STYK1: variants seen among roughly 807,000 people sequenced by gnomAD.
The protein encoded by STYK1 is STY kinase 1, also known as tyrosine-protein kinase STYK1.
Under a neutral mutation model 48.1 loss-of-function variants are expected in STYK1, and 46 were observed. That is an observed-to-expected ratio of 0.96 (90% CI 0.75 to 1.22). The LOEUF (loss-of-function observed/expected upper bound fraction) is 1.22. STYK1 is among the 50% of genes most tolerant of loss of function. The pLI, the probability that STYK1 is intolerant of heterozygous loss-of-function variation, is 0.00. For missense variants in STYK1, 527 were observed against 521.1 expected, an observed-to-expected ratio of 1.01 and a Z score of -0.11; for synonymous variants, 188 against 189.0, an observed-to-expected ratio of 0.99 and a Z score of 0.04.
chr12:10,637,503 G>A lies in STYK1; in HGVS notation c.-194-307C>T, dbSNP rs189735865. ...CAGGCACCCACCACCACGCACGCCC[G>A]GCTAATTTTCTGTATTTTTAGTAGA... On this transcript the variant is annotated intron_variant, in intron 1 of 10. Transcript: ENST00000075503. Among the ~76,000 whole-genome samples the A allele has an allele frequency of 7.3e-3, 1,110 of 151,928 alleles. 10 individuals carry two copies. The highest frequency in any genetic ancestry group is 0.025 in the African/African-American group (1,027 of 41,420).
intron 2 of STYK1, among the ~76,000 whole-genome samples, chr12:10,636,065 T>C (rs916185056): frequency 2.0e-5 from 3 of 152,220 alleles, no homozygotes; most frequent in South Asian, 4.1e-4. Flanking sequence ...TATGCTACTA[T>C]GTTGTACAGG....
intron 1 of STYK1, among the ~76,000 whole-genome samples, chr12:10,650,257 C>CTGTAT (rs1947648510): frequency 6.6e-6 from 1 of 151,828 alleles, no homozygotes; most frequent in Non-Finnish European, 1.5e-5. Flanking sequence ...TCATCTCCAT[C>CTGTAT]CAACTGTAGT....
At chr12:10,645,275 T>C (rs947037004) in intron 1 of STYK1, among the ~76,000 whole-genome samples, 8 of 152,112 alleles carry the variant, frequency 5.3e-5, no homozygotes, top group Admixed American at 2.0e-4. Flanking sequence ...TGGGAATGAA[T>C]AGGTGGTGAG....
chr12:10,623,013 CCT>C (rs1366017267), intron 8 of STYK1, among the ~76,000 whole-genome samples: 2 of 148,196 alleles, frequency 1.3e-5, no homozygotes, highest in African/African-American at 5.3e-5. Context: ...AAAAATATTC[CCT>C]CTGTGTCTCT....
At chr12:10,664,869 T>A (rs1468730255) in intron 1 of STYK1, among the ~76,000 whole-genome samples, 1 of 152,202 alleles carries the variant, frequency 6.6e-6, no homozygotes, top group Non-Finnish European at 1.5e-5. Context: ...TTCCAAATTA[T>A]CCCCATTTTT....
chr12:10,634,770 C>T (rs562299201), intron 2 of STYK1, 84 bp from the exon 3 acceptor site: 10 of 759,228 alleles, frequency 1.3e-5, no homozygotes, highest in Non-Finnish European at 1.7e-5. Flanking sequence ...ACCGCCTCTA[C>T]AGATCACTAG....
chr12:10,669,616 C>G (rs117916169), intron 1 of STYK1, among the ~76,000 whole-genome samples: 2,802 of 151,858 alleles, frequency 0.018, 39 homozygotes, highest in Middle Eastern at 0.034. Context: ...GCAACAAAAG[C>G]AAAAATAGAC....
At position 10,629,791 on chromosome 12, in the gene STYK1, GA is replaced by G. The variant is rs1947402366; in HGVS notation, c.452-118del. ...CTCAAGGCCCCACATGGGAGTGAATGAAGGCAAAAATAAACACAAAGGGGAC... is the reference window on the plus strand; with the variant it reads ...CTCAAGGCCCCACATGGGAGTGAATGAGGCAAAAATAAACACAAAGGGGAC... On this transcript the variant is annotated intron_variant, in intron 5 of 10. Coordinates refer to ENST00000075503, the MANE Select transcript of STYK1 (RefSeq NM_018423.3). The G allele has an allele frequency of 2.6e-5, 29 of 1,100,524 alleles. No individual in the cohort carries two copies. In the South Asian group the frequency reaches 3.9e-4, roughly 15 times the overall value. The allele number at this position is 1,100,524 out of a possible 1,614,324, so 68.2% of individuals were successfully genotyped here.
chr12:10,638,112 G>C (rs1947505862), intron 1 of STYK1, among the ~76,000 whole-genome samples: 1 of 152,156 alleles, frequency 6.6e-6, no homozygotes, highest in East Asian at 1.9e-4. Flanking sequence ...TGAAATCCAT[G>C]GCATTGGAAT....
At chr12:10,621,627 G>A (rs151195282) in intron 10 of STYK1, among the ~76,000 whole-genome samples, 10 of 152,098 alleles carry the variant, frequency 6.6e-5, no homozygotes, top group Non-Finnish European at 1.2e-4. Context: ...AGTTCTCAGC[G>A]TGTGGTGGGG....
intron 7 of STYK1, among the ~76,000 whole-genome samples, chr12:10,625,339 T>A (rs1319332017): frequency 6.6e-6 from 1 of 152,136 alleles, no homozygotes; most frequent in Non-Finnish European, 1.5e-5. Context: ...TGCCTCAGCC[T>A]CCCAAGTAGC....
chr12:10,644,771 C>A (rs1947581431), intron 1 of STYK1, among the ~76,000 whole-genome samples: 2 of 152,082 alleles, frequency 1.3e-5, no homozygotes, highest in East Asian at 3.9e-4. Context: ...TTGTTCTGGA[C>A]ATTTTGATTT....
chr12:10,646,118 A>T (rs2418086), intron 1 of STYK1, among the ~76,000 whole-genome samples: 1 of 152,190 alleles, frequency 6.6e-6, no homozygotes, highest in Non-Finnish European at 1.5e-5. Flanking sequence ...TACCAGGAGT[A>T]GGGTGCTACT....
At chr12:10,631,340 T>A (rs1295835390) in intron 4 of STYK1, 32 bp from the exon 5 acceptor site, 1 of 1,602,046 alleles carries the variant, frequency 6.2e-7, no homozygotes. Context: ...AACCAGTTTT[T>A]CCCCGCCCTG....
chr12:10,631,424 G>T, intron 4 of STYK1, 116 bp from the exon 5 acceptor site: 1 of 1,288,826 alleles, frequency 7.8e-7, no homozygotes, highest in Non-Finnish European at 1.1e-6. Context: ...TGGCCAATGG[G>T]GAGTTGTCTT....
chr12:10,669,586 A>C (rs1285286869), intron 1 of STYK1, among the ~76,000 whole-genome samples: 1 of 152,160 alleles, frequency 6.6e-6, no homozygotes, highest in East Asian at 1.9e-4. Flanking sequence ...GTTTTTTTGG[A>C]CATAAACCCA....
At chr12:10,657,921 A>T (rs1239519591) in intron 1 of STYK1, among the ~76,000 whole-genome samples, 2 of 152,242 alleles carry the variant, frequency 1.3e-5, no homozygotes, top group African/African-American at 4.8e-5. Flanking sequence ...TTGGTAAAAG[A>T]TTATAAGAAG....
intron 1 of STYK1, among the ~76,000 whole-genome samples, chr12:10,645,312 C>A (rs1207316545): frequency 2.6e-5 from 4 of 152,036 alleles, no homozygotes; most frequent in Non-Finnish European, 4.4e-5. Flanking sequence ...GTTTAGGGGG[C>A]TCTTCTATGA....
chr12:10,630,593 A>G (rs1054357980), intron 5 of STYK1, among the ~76,000 whole-genome samples: 2 of 150,964 alleles, frequency 1.3e-5, no homozygotes, highest in Middle Eastern at 3.4e-3. Flanking sequence ...ATGTTTTAAC[A>G]TATGCAAATC....
Sources: gnomAD v4.1 joint callset for allele counts (sites outside exome capture counted in the v4.1 genomes callset) on GRCh38, gnomAD v4.1.1 for gene constraint, MANE v1.5 for transcripts, NCBI Gene and HGNC (gene_info 2026-07-23, HGNC 2026-07-21) for gene names.